Variants in SLC7A11 observed in about 807,000 individuals in gnomAD.
SLC7A11 encodes solute carrier family 7 member 11.
A neutral mutation model predicts 54.5 loss-of-function variants in SLC7A11; 35 were observed. The observed-to-expected ratio is 0.64, with a 90% CI of 0.49 to 0.85. The LOEUF is 0.85. Among genes scored for constraint, SLC7A11 ranks in the 40% least tolerant of loss-of-function variants. The probability of loss-of-function intolerance (pLI) is 0.00; values close to 1 mark genes in which losing one functional copy is unlikely to be tolerated. For synonymous variants in SLC7A11, 230 were observed against 225.2 expected, an observed-to-expected ratio of 1.02 and a Z score of -0.19; for missense variants, 583 against 618.1, an observed-to-expected ratio of 0.94 and a Z score of 0.60.
Position 138,199,289 on chromosome 4 carries a change from AT to A in SLC7A11, c.792-14046del, listed in dbSNP as rs949961277. Among the ~76,000 whole-genome samples the A allele has an allele frequency of 3.5e-5, 5 of 141,932 alleles. No individual in the cohort carries two copies. The East Asian group carries it at 6.2e-4, about 17-fold the overall frequency. 93.1% of individuals were successfully genotyped at this position (141,932 alleles called of 152,430 possible). On this transcript the variant is annotated intron_variant, in intron 6 of 11. Transcript: ENST00000280612. The stretch of plus-strand genomic sequence containing the variant: ...TACAGGTGATTTTTAATTTCATCAT[AT>A]TTTTTTGGCATTTTAAATTTGTTTA...
At chr4:138,211,081 C>A (rs1578656083) in intron 6 of SLC7A11, among the ~76,000 whole-genome samples, 1 of 151,954 alleles carries the variant, frequency 6.6e-6, no homozygotes, top group African/African-American at 2.4e-5. Context: ...GATATCATGT[C>A]CTTTACAGCA....
At chr4:138,234,880 G>T (rs562439360) in intron 2 of SLC7A11, among the ~76,000 whole-genome samples, 19 of 152,150 alleles carry the variant, frequency 1.2e-4, no homozygotes, top group Non-Finnish European at 2.6e-4. Context: ...TCAATAAGTA[G>T]TACATGCATT....
At chr4:138,182,544 G>A in intron 8 of SLC7A11, 151 bp from the exon 9 acceptor site, 3 of 590,436 alleles carry the variant, frequency 5.1e-6, no homozygotes, top group Non-Finnish European at 6.2e-6. Context: ...CAAATAAGGT[G>A]GAGAAATATC....
intron 10 of SLC7A11, among the ~76,000 whole-genome samples, chr4:138,180,164 G>A (rs1736701040): frequency 6.6e-6 from 1 of 152,068 alleles, no homozygotes; most frequent in Admixed American, 6.6e-5. Flanking sequence ...TTTTTGGAGT[G>A]TATAATATAG....
chr4:138,205,620 T>A (rs1265668958), intron 6 of SLC7A11, among the ~76,000 whole-genome samples: 2 of 152,066 alleles, frequency 1.3e-5, no homozygotes, highest in Non-Finnish European at 2.9e-5. Context: ...ATTTTAGTTG[T>A]CTAAGAAGTT....
At chr4:138,180,503 A>G in intron 10 of SLC7A11, 138 bp downstream of exon 10, 1 of 753,910 alleles carries the variant, frequency 1.3e-6, no homozygotes. Context: ...ACAGGAAAGC[A>G]CTGCCTGCAA....
intron 1 of SLC7A11, among the ~76,000 whole-genome samples, chr4:138,239,525 C>T (rs1738326347): frequency 6.6e-6 from 1 of 152,150 alleles, no homozygotes; most frequent in South Asian, 2.1e-4. Context: ...AGAGGCACTC[C>T]TGTCCAAAAG....
intron 1 of SLC7A11, among the ~76,000 whole-genome samples, chr4:138,241,532 C>T (rs1418629708): frequency 6.6e-6 from 1 of 152,116 alleles, no homozygotes; most frequent in Non-Finnish European, 1.5e-5. Context: ...TTGCTCTCAT[C>T]ACCACAGAGA....
rs771889426 is a variant in SLC7A11, at chr4:138,167,857, CTA to C, written c.*4097_*4098del. 6.6e-6 allele frequency: 1 copy of C among 152,110 alleles called. No homozygotes were observed. Among genetic ancestry groups the C allele is most frequent in the Non-Finnish European group, 1.5e-5 (1 of 68,018 alleles). 9.4% of individuals were successfully genotyped at this position (152,110 alleles called of 1,614,324 possible). A position where few individuals can be genotyped will look rare whatever the true frequency, so the allele number is the denominator to read the frequency against. ...ATGGGCATTCAAATCCCACATCTCT[CTA>C]TATTTCTTTCCCAACTAAGAGCTAT... On this transcript the variant is annotated 3_prime_UTR_variant, in exon 12 of 12. Transcript: ENST00000280612.
chr4:138,217,238 G>A (rs1737702252), intron 5 of SLC7A11, among the ~76,000 whole-genome samples: 1 of 151,896 alleles, frequency 6.6e-6, no homozygotes. Context: ...TTTAAATCCT[G>A]GACTTATTTT....
intron 6 of SLC7A11, among the ~76,000 whole-genome samples, chr4:138,190,424 A>G (rs1736981957): frequency 6.6e-6 from 1 of 152,098 alleles, no homozygotes; most frequent in East Asian, 1.9e-4. Context: ...TTTGATTCAA[A>G]GCATTTATTT....
At chr4:138,223,747 A>T (rs1367130311) in intron 3 of SLC7A11, among the ~76,000 whole-genome samples, 2 of 152,154 alleles carry the variant, frequency 1.3e-5, no homozygotes, top group East Asian at 1.9e-4. Context: ...GCCAATGTGG[A>T]TCACACTCAA....
rs1215886794 is a variant in SLC7A11, at chr4:138,170,722, A to G, written c.*1234T>C. 6.6e-6 allele frequency: 1 copy of G among 152,122 alleles called. No homozygotes were observed. The highest frequency in any genetic ancestry group is 1.5e-5 in the Non-Finnish European group (1 of 68,012). The allele number at this position is 152,122 out of a possible 1,614,324, so 9.4% of individuals were successfully genotyped here. ...ATCAGTTGTCTCTTTTGCAAGTTGA[A>G]TGATAATTAAGGTGTGGAAATTACT... On this transcript the variant is annotated 3_prime_UTR_variant, in exon 12 of 12. Coordinates refer to ENST00000280612, the MANE Select transcript of SLC7A11 (RefSeq NM_014331.4).
rs573598388 is a variant in SLC7A11, at chr4:138,169,994, T to C, written c.*1962A>G. 6.6e-6 allele frequency: 1 copy of C among 151,678 alleles called. No homozygotes were observed. Among genetic ancestry groups the C allele is most frequent in the South Asian group, 2.1e-4 (1 of 4,806 alleles). The allele number at this position is 151,678 out of a possible 1,614,324, so 9.4% of individuals were successfully genotyped here. On this transcript the variant is annotated 3_prime_UTR_variant, in exon 12 of 12. Coordinates refer to ENST00000280612, the MANE Select transcript of SLC7A11 (RefSeq NM_014331.4). ...AATTGGAAATGCTCCAAATTATAGG[T>C]CATCATTTCTACTTTGGACAATTTT... is the stretch of plus-strand genomic sequence containing the variant.
Position 138,188,686 on chromosome 4 carries a change from A to G in SLC7A11, c.792-3442T>C, listed in dbSNP as rs970174403. Among the ~76,000 whole-genome samples the G allele has an allele frequency of 2.6e-5, 4 of 152,306 alleles. No homozygotes were observed. In the East Asian group the frequency reaches 7.7e-4, roughly 29 times the overall value. ...GCGCAGATAGCATTACTAGTAACCCAAGATTAAGGCAAATGGCACTTGATA... is the reference window on the plus strand; with the variant it reads ...GCGCAGATAGCATTACTAGTAACCCGAGATTAAGGCAAATGGCACTTGATA... On this transcript the variant is annotated intron_variant, in intron 6 of 11. Transcript: ENST00000280612.
At chr4:138,197,788 T>C (rs1389997354) in intron 6 of SLC7A11, among the ~76,000 whole-genome samples, 5 of 151,738 alleles carry the variant, frequency 3.3e-5, no homozygotes, top group Non-Finnish European at 4.4e-5. Context: ...AAAAAGAGTA[T>C]TACAAACTTT....
At chr4:138,181,043 T>G (rs1404596888) in intron 9 of SLC7A11, among the ~76,000 whole-genome samples, 1 of 150,986 alleles carries the variant, frequency 6.6e-6, no homozygotes, top group Non-Finnish European at 1.5e-5. Context: ...ATGAATGTTG[T>G]GTTGTGTTTT....
intron 2 of SLC7A11, 111 bp from the exon 3 acceptor site, chr4:138,232,493 T>G: frequency 1.5e-6 from 1 of 645,468 alleles, no homozygotes; most frequent in South Asian, 2.0e-5. Context: ...AATATGAAAG[T>G]CCATAGTTTT....
At chr4:138,198,645 A>T (rs1737198757) in intron 6 of SLC7A11, among the ~76,000 whole-genome samples, 1 of 152,176 alleles carries the variant, frequency 6.6e-6, no homozygotes, top group South Asian at 2.1e-4. Context: ...GACCATTTTA[A>T]AGTTTGTTGC....
Sources: allele counts gnomAD v4.1 joint callset (sites outside exome capture counted in the v4.1 genomes callset), GRCh38; gene constraint gnomAD v4.1.1; transcripts MANE v1.5; gene names NCBI Gene and HGNC (gene_info 2026-07-23, HGNC 2026-07-21).